The following INO80 variants were observed in gnomAD, a reference collection of about 807,000 sequenced individuals.
INO80 encodes the protein INO80 complex ATPase subunit.
A neutral mutation model predicts 203.4 loss-of-function variants in INO80; 20 were observed. The observed-to-expected ratio is 0.10, with a 90% CI of 0.07 to 0.14. The LOEUF is 0.14. Among genes scored for constraint, INO80 ranks in the 10% least tolerant of loss-of-function variants. The probability of loss-of-function intolerance (pLI) is 1.00; values close to 1 mark genes in which losing one functional copy is unlikely to be tolerated. For missense variants in INO80, 1,419 were observed against 1,914.4 expected (o/e 0.74, Z 4.83); for synonymous variants, 726 against 685.2 (o/e 1.06, Z -0.93).
intron 35 of INO80, 24 bp downstream of exon 35, chr15:40,982,838 T>TGC (rs1162213471): frequency 1.3e-6 from 2 of 1,586,574 alleles, no homozygotes; most frequent in African/African-American, 2.7e-5. Flanking sequence ...GAACAAAGTC[T>TGC]GCAGCCACCC....
chr15:41,027,671 C>T lies in INO80; in HGVS notation c.2973G>A (p.Arg991=), dbSNP rs756800225. The stretch of plus-strand genomic sequence containing the variant: ...GACGCAGCGAGGAGGTAGCTGATCT[C>T]CGCTGATGGACAACCTGGTCTGAGT... ...SGYSDQVVHQ[R]RSATSSLRRC... Residue 991 remains arginine, a synonymous_variant, in exon 25 of 36, where the codon CGG becomes CGA. Coordinates refer to ENST00000648947, the MANE Select transcript of INO80 (RefSeq NM_017553.3). The T allele has an allele frequency of 5.6e-6, 9 of 1,613,798 alleles. No individual in the cohort carries two copies. Among genetic ancestry groups the T allele is most frequent in the East Asian group, 2.2e-5 (1 of 44,880 alleles).
intron 24 of INO80, among the ~76,000 whole-genome samples, chr15:41,029,897 C>T (rs556490248): frequency 1.3e-5 from 2 of 152,332 alleles, no homozygotes; most frequent in South Asian, 4.1e-4. Context: ...GGAGAGATGA[C>T]AAGTCTAGCA....
intron 28 of INO80, among the ~76,000 whole-genome samples, chr15:41,004,214 G>T (rs559658953): frequency 2.0e-5 from 3 of 152,210 alleles, no homozygotes; most frequent in African/African-American, 7.2e-5. Context: ...GTTTGAAGCA[G>T]ATCTTCTCCT....
chr15:41,071,302 T>C (rs2045309852), intron 12 of INO80, among the ~76,000 whole-genome samples: 1 of 152,188 alleles, frequency 6.6e-6, no homozygotes, highest in Non-Finnish European at 1.5e-5. Flanking sequence ...ACGTGCAGGT[T>C]TGTTACATAT....
At chr15:41,032,215 T>C (rs1302951120) in intron 24 of INO80, among the ~76,000 whole-genome samples, 1 of 152,200 alleles carries the variant, frequency 6.6e-6, no homozygotes, top group Non-Finnish European at 1.5e-5. Context: ...AAAATGCTTA[T>C]GTTAAAAATT....
intron 1 of INO80, 105 bp downstream of exon 1, chr15:41,115,867 GC>G: frequency 2.7e-6 from 1 of 373,468 alleles, no homozygotes. Context: ...AGGGCCGGGG[GC>G]GACGGCCCCT....
At chr15:41,014,961 C>T (rs937904259) in intron 27 of INO80, among the ~76,000 whole-genome samples, 1 of 152,148 alleles carries the variant, frequency 6.6e-6, no homozygotes, top group Non-Finnish European at 1.5e-5. Flanking sequence ...TGAAGCCTTA[C>T]ACATGTAAAA....
intron 24 of INO80, among the ~76,000 whole-genome samples, chr15:41,030,648 C>T (rs1004353872): frequency 6.6e-6 from 1 of 151,716 alleles, no homozygotes; most frequent in South Asian, 2.1e-4. Flanking sequence ...AGGCATGAGC[C>T]ACCACACCTG....
chr15:41,036,384 T>C (rs1487772306), intron 24 of INO80, among the ~76,000 whole-genome samples: 1 of 152,066 alleles, frequency 6.6e-6, no homozygotes, highest in Non-Finnish European at 1.5e-5. Context: ...CTCTCTGGTG[T>C]TCCTTACTAC....
intron 29 of INO80, among the ~76,000 whole-genome samples, chr15:40,995,971 A>C (rs1596242747): frequency 6.6e-6 from 1 of 152,240 alleles, no homozygotes; most frequent in East Asian, 1.9e-4. Flanking sequence ...GGTTAACTGA[A>C]AGTTTAGATG....
At chr15:41,071,386 C>G (rs1371208212) in intron 12 of INO80, among the ~76,000 whole-genome samples, 1 of 151,680 alleles carries the variant, frequency 6.6e-6, no homozygotes, top group African/African-American at 2.4e-5. Flanking sequence ...CTACTGCTAT[C>G]CCTCCCCAGG....
At chr15:41,031,851 A>G (rs1407003556) in intron 24 of INO80, among the ~76,000 whole-genome samples, 1 of 152,064 alleles carries the variant, frequency 6.6e-6, no homozygotes, top group Non-Finnish European at 1.5e-5. Flanking sequence ...CGCACCATAC[A>G]AAAGTCTCAA....
rs566090983 is a variant in INO80 at position 41,044,613 on chromosome 15, T to C, written c.2907+291A>G. Among the ~76,000 whole-genome samples, 77 of 152,292 alleles carry C rather than the reference T, an allele frequency of 5.1e-4. 1 individual carries two copies. Among genetic ancestry groups the C allele is most frequent in the African/African-American group, 1.8e-3 (73 of 41,556 alleles). On this transcript the variant is annotated intron_variant, in intron 24 of 35. Transcript: ENST00000648947. ...GAGCTGGAAGTATTCTATATATTGA[T>C]CTAGGTGGTTGTTACACAAGTGTAT...
Position 41,045,531 on chromosome 15 carries a change from G to A in INO80, c.2736-456C>T, listed in dbSNP as rs990227954. ...TGGGAGATGGAGATTGCAGTGAGCC[G>A]AGATTGCCCCATTGTACTCCAGCCT... On this transcript the variant is annotated intron_variant, in intron 23 of 35. Coordinates refer to ENST00000648947, the MANE Select transcript of INO80 (RefSeq NM_017553.3). Among the ~76,000 whole-genome samples, 9 of 144,668 alleles carry A rather than the reference G, an allele frequency of 6.2e-5. No homozygotes were observed. In the South Asian group the frequency reaches 6.5e-4, roughly 10 times the overall value. The allele number at this position is 144,668 out of a possible 152,430, so 94.9% of individuals were successfully genotyped here. A position where few individuals can be genotyped will look rare whatever the true frequency, so the allele number is the denominator to read the frequency against.
rs372251458 is a variant in INO80, at chr15:41,034,646, T to G, written c.2908-6910A>C. Among the ~76,000 whole-genome samples the G allele has an allele frequency of 3.3e-5, 5 of 152,302 alleles. No individual in the cohort carries two copies. In the East Asian group the frequency reaches 7.7e-4, roughly 23 times the overall value. ...ATGGGGAAATTAACTCAAAACTAACTTGTTAGCTCCAAAGGAGCTTTAGTC... is the reference window on the plus strand; with the variant it reads ...ATGGGGAAATTAACTCAAAACTAACGTGTTAGCTCCAAAGGAGCTTTAGTC... On this transcript the variant is annotated intron_variant, in intron 24 of 35. Coordinates refer to ENST00000648947, the MANE Select transcript of INO80 (RefSeq NM_017553.3).
intron 12 of INO80, among the ~76,000 whole-genome samples, chr15:41,071,584 A>C (rs1045993871): frequency 8.6e-5 from 13 of 150,574 alleles, no homozygotes; most frequent in Non-Finnish European, 1.5e-4. Context: ...CCTCCCAAGT[A>C]GCTGGGATCA....
Position 41,074,482 on chromosome 15 carries a change from C to A in INO80, c.1215G>T (p.Met405Ile). 6.2e-7 allele frequency: 1 copy of A among 1,613,864 alleles called. No individual in the cohort carries two copies. The highest frequency in any genetic ancestry group is 8.5e-7 in the Non-Finnish European group (1 of 1,179,892). The part of the protein sequence containing the change: ...YAHFMSRKRD[M>I]GHDGIQEEIL... ...TTTCTTCCTGGATACCATCATGACC[C>A]ATATCTCGTTTGCGACTCATGAAAT... Residue 405 changes from methionine to isoleucine, a missense_variant, in exon 10 of 36, where the codon ATG (methionine) becomes ATT (isoleucine). By Grantham distance (10) the Met-to-Ile change is conservative. This residue lies in a region of INO80 where 116 missense variants were observed against 119.5 expected (regional missense o/e 0.97). Coordinates refer to ENST00000648947, the MANE Select transcript of INO80 (RefSeq NM_017553.3).
intron 5 of INO80, among the ~76,000 whole-genome samples, chr15:41,089,295 A>C (rs561483023): frequency 9.2e-5 from 14 of 152,330 alleles, no homozygotes; most frequent in African/African-American, 3.4e-4. Flanking sequence ...TTTTACATCA[A>C]AAGGGTCAGA....
chr15:41,043,612 C>A (rs925989029), intron 24 of INO80, among the ~76,000 whole-genome samples: 1 of 152,204 alleles, frequency 6.6e-6, no homozygotes, highest in Non-Finnish European at 1.5e-5. Context: ...GAATGTCCTT[C>A]ATTCTACAAC....
Sources: gnomAD v4.1 joint callset for allele counts (sites outside exome capture counted in the v4.1 genomes callset) on GRCh38, gnomAD v4.1.1 for gene constraint, gnomAD v4.1.1 regional missense constraint, MANE v1.5 for transcripts, NCBI Gene and HGNC (gene_info 2026-07-23, HGNC 2026-07-21) for gene names.